HTR2C: variants seen among roughly 807,000 people sequenced by gnomAD.
HTR2C encodes 5-hydroxytryptamine (serotonin) receptor 2C, G protein-coupled.
HTR2C carries 5 observed loss-of-function variants against 21.0 expected under a neutral mutation model. The ratio of observed to expected loss-of-function variants is 0.24; its 90% CI spans 0.12 to 0.50. The LOEUF is 0.50. HTR2C is among the 20% of genes least tolerant of loss of function. The pLI is 0.98. For missense variants in HTR2C, 271 were observed against 371.2 expected (o/e 0.73, Z 2.22); for synonymous variants, 150 against 145.3 (o/e 1.03, Z -0.23).
chrX:114,645,517 C>A (rs782289023), intron 2 of HTR2C, among the ~76,000 whole-genome samples: 1 of 110,607 alleles, frequency 9.0e-6, no homozygotes, highest in South Asian at 3.8e-4. Context: ...ATTAGGGAAG[C>A]AAACTGCCCC....
At chrX:114,704,703 G>A (rs1556417646) in intron 2 of HTR2C, among the ~76,000 whole-genome samples, 1 of 111,279 alleles carries the variant, frequency 9.0e-6, no homozygotes, top group Non-Finnish European at 1.9e-5. Context: ...GGAAGTGCTG[G>A]CCAGGCAATC....
chrX:114,636,712 A>G (rs1347716492), intron 2 of HTR2C, among the ~76,000 whole-genome samples: 1 of 112,153 alleles, frequency 8.9e-6, no homozygotes, highest in Non-Finnish European at 1.9e-5. Flanking sequence ...CCTCTGACTA[A>G]TGTATGATTT....
intron 2 of HTR2C, among the ~76,000 whole-genome samples, chrX:114,631,596 A>T (rs781997069): frequency 1.4e-4 from 16 of 111,506 alleles, no homozygotes; most frequent in Non-Finnish European, 2.3e-4. Flanking sequence ...TCTCCTTTTG[A>T]TGTGATGAAA....
chrX:114,590,093 C>T (rs1388822863), intron 1 of HTR2C, among the ~76,000 whole-genome samples: 1 of 111,435 alleles, frequency 9.0e-6, no homozygotes, highest in Non-Finnish European at 1.9e-5. Flanking sequence ...ATAGCTATGA[C>T]TTGGAAAATA....
intron 4 of HTR2C, among the ~76,000 whole-genome samples, chrX:114,765,187 T>C (rs1352243643): frequency 1.8e-5 from 2 of 109,487 alleles, no homozygotes; most frequent in South Asian, 3.9e-4. Context: ...TTGGAAACTT[T>C]CAGTGATTTT....
intron 2 of HTR2C, among the ~76,000 whole-genome samples, chrX:114,704,317 A>C (rs1932686252): frequency 9.0e-6 from 1 of 111,415 alleles, no homozygotes; most frequent in South Asian, 3.8e-4. Flanking sequence ...TCAATAAAAT[A>C]CTGGCAAACT....
In HTR2C at chrX:114,759,399, C is replaced by T. The variant is rs1469071377; in HGVS notation, c.349+27792C>T. 2.7e-5 allele frequency among the ~76,000 whole-genome samples: 3 copies of T among 111,238 alleles called. No individual in the cohort carries two copies. In the Admixed American group the frequency reaches 2.9e-4, roughly 11 times the overall value. ...TTTATTCCTTCTAATTTTGTGGTCG[C>T]TCTGCTAGTAACACATTGTAAGGTT... On this transcript the variant is annotated intron_variant, in intron 4 of 5. Coordinates refer to ENST00000276198, the MANE Select transcript of HTR2C (RefSeq NM_000868.4).
chrX:114,730,641 G>C (rs2497541), intron 3 of HTR2C, among the ~76,000 whole-genome samples: 4 of 110,440 alleles, frequency 3.6e-5, no homozygotes, highest in African/African-American at 1.3e-4. Context: ...ACGCTTTGCC[G>C]GAATTTGATC....
intron 2 of HTR2C, among the ~76,000 whole-genome samples, chrX:114,644,358 AATAAATATATATATAT>A (rs1257449452): frequency 4.8e-4 from 8 of 16,521 alleles, no homozygotes; most frequent in Non-Finnish European, 5.9e-4. Context: ...TAAATAAATA[AATAAATATATATATAT>A]ATATATATAT....
At chrX:114,806,847 CAT>C (rs782545953) in intron 4 of HTR2C, among the ~76,000 whole-genome samples, 49 of 97,560 alleles carry the variant, frequency 5.0e-4, no homozygotes, top group African/African-American at 1.7e-3. Flanking sequence ...ATATATACAC[CAT>C]ATATATACCG....
chrX:114,637,861 C>T (rs1474104521), intron 2 of HTR2C, among the ~76,000 whole-genome samples: 20 of 110,199 alleles, frequency 1.8e-4, no homozygotes, highest in Admixed American at 1.6e-3. Context: ...TCGTTTTTTG[C>T]AATTGAAAAA....
At chrX:114,836,500 C>A (rs931406479) in intron 4 of HTR2C, among the ~76,000 whole-genome samples, 7 of 111,982 alleles carry the variant, frequency 6.3e-5, no homozygotes, top group Admixed American at 1.9e-4. Context: ...TTCTTTGACT[C>A]AGAAAGGGAA....
chrX:114,846,205 G>A (rs1348567909), intron 4 of HTR2C, among the ~76,000 whole-genome samples: 1 of 111,157 alleles, frequency 9.0e-6, no homozygotes, highest in East Asian at 2.8e-4. Context: ...AACAATGAAA[G>A]CTCAAGACAA....
intron 4 of HTR2C, chrX:114,774,683 C>G (rs782252781): frequency 3.6e-6 from 1 of 275,018 alleles, no homozygotes; most frequent in South Asian, 5.5e-5. Flanking sequence ...CCCCTGTGCA[C>G]ATGTTGCATA....
intron 4 of HTR2C, among the ~76,000 whole-genome samples, chrX:114,795,354 A>T (rs1254748178): frequency 1.8e-5 from 2 of 110,298 alleles, no homozygotes; most frequent in Non-Finnish European, 3.8e-5. Context: ...GCTGTGCAGA[A>T]GCTCTTTAGT....
At chrX:114,626,671 A>G (rs1234920914) in intron 2 of HTR2C, among the ~76,000 whole-genome samples, 1 of 112,507 alleles carries the variant, frequency 8.9e-6, no homozygotes, top group Non-Finnish European at 1.9e-5. Flanking sequence ...CAATATTCAT[A>G]GGTTTAGAGA....
chrX:114,757,676 C>T (rs1396754931), intron 4 of HTR2C, among the ~76,000 whole-genome samples: 1 of 111,613 alleles, frequency 9.0e-6, no homozygotes, highest in Non-Finnish European at 1.9e-5. Context: ...TTTTTTTCCT[C>T]GTCTGCTTAA....
At chrX:114,837,133 C>T (rs2070794087) in intron 4 of HTR2C, among the ~76,000 whole-genome samples, 1 of 112,243 alleles carries the variant, frequency 8.9e-6, no homozygotes, top group South Asian at 3.6e-4. Flanking sequence ...CATTGACTTA[C>T]TCACATAATT....
chrX:114,690,297 G>A (rs782244089), intron 2 of HTR2C, among the ~76,000 whole-genome samples: 1 of 111,730 alleles, frequency 9.0e-6, no homozygotes, highest in East Asian at 2.8e-4. Flanking sequence ...AATTAAATAT[G>A]CTAACATGCA....
Sources: gnomAD v4.1 joint callset for allele counts (sites outside exome capture counted in the v4.1 genomes callset) on GRCh38, gnomAD v4.1.1 for gene constraint, MANE v1.5 for transcripts, NCBI Gene and HGNC (gene_info 2026-07-23, HGNC 2026-07-21) for gene names.